The following ZZZ3 variants were observed in gnomAD, a reference collection of about 807,000 sequenced individuals.
The protein encoded by ZZZ3 is ZZ-type zinc finger-containing protein 3.
ZZZ3 carries 22 observed loss-of-function variants against 95.2 expected under a neutral mutation model. That is an observed-to-expected ratio of 0.23 (90% CI 0.17 to 0.33). The LOEUF is 0.33. Among genes scored for constraint, ZZZ3 ranks in the 10% least tolerant of loss-of-function variants. ZZZ3 has a pLI of 1.00. For missense variants in ZZZ3, 885 were observed against 1,066.5 expected (o/e 0.83, Z 2.37); for synonymous variants, 335 against 358.9 (o/e 0.93, Z 0.75).
chr1:77,616,125 G>A (rs1666289443), intron 5 of ZZZ3, among the ~76,000 whole-genome samples: 1 of 152,020 alleles, frequency 6.6e-6, no homozygotes, highest in Non-Finnish European at 1.5e-5. Flanking sequence ...TGCTCTTGAG[G>A]AAATCATGAC....
At chr1:77,623,455 C>T (rs1667065140) in intron 5 of ZZZ3, among the ~76,000 whole-genome samples, 2 of 152,116 alleles carry the variant, frequency 1.3e-5, no homozygotes, top group Non-Finnish European at 2.9e-5. Context: ...CCTCATAAGG[C>T]TAGAAACATT....
At chr1:77,575,799 G>A (rs867034456) in intron 12 of ZZZ3, among the ~76,000 whole-genome samples, 14 of 152,100 alleles carry the variant, frequency 9.2e-5, no homozygotes, top group Non-Finnish European at 1.3e-4. Context: ...TCTGGGACTT[G>A]CTCCAAAATA....
intron 5 of ZZZ3, among the ~76,000 whole-genome samples, chr1:77,597,419 G>A (rs1570461948): frequency 6.6e-6 from 1 of 152,120 alleles, no homozygotes; most frequent in East Asian, 1.9e-4. Flanking sequence ...CATTCCTTCA[G>A]TGTGGCCTGT....
chr1:77,660,844 T>A (rs747489120), intron 1 of ZZZ3, among the ~76,000 whole-genome samples: 1 of 152,190 alleles, frequency 6.6e-6, no homozygotes, highest in Non-Finnish European at 1.5e-5. Flanking sequence ...CTTTCTACCA[T>A]TCTGGACTAA....
At chr1:77,597,015 C>T (rs957075362) in intron 5 of ZZZ3, among the ~76,000 whole-genome samples, 7 of 152,066 alleles carry the variant, frequency 4.6e-5, no homozygotes, top group African/African-American at 1.7e-4. Flanking sequence ...ATTTTGGTTT[C>T]TAATACCATT....
intron 1 of ZZZ3, among the ~76,000 whole-genome samples, chr1:77,655,538 G>A (rs920892161): frequency 2.0e-5 from 3 of 152,162 alleles, no homozygotes; most frequent in African/African-American, 2.4e-5. Context: ...TCAGAACCAT[G>A]AGAAATAAAT....
At position 77,662,587 on chromosome 1, in the gene ZZZ3, G is replaced by C. The variant is rs545093424; in HGVS notation, c.-403+19998C>G. Among the ~76,000 whole-genome samples, 5 of 152,288 alleles carry C rather than the reference G, an allele frequency of 3.3e-5. No homozygotes were observed. The South Asian group carries it at 1.0e-3, about 32-fold the overall frequency. On this transcript the variant is annotated intron_variant, in intron 1 of 14. Coordinates refer to ENST00000370801, the MANE Select transcript of ZZZ3 (RefSeq NM_015534.6). The stretch of plus-strand genomic sequence containing the variant: ...AATCTAACCACAAGAAATTCAAACT[G>C]AGGGACACTAAATACCTGGCCTAAT...
Position 77,632,767 on chromosome 1 carries a change from G to A in ZZZ3, c.588C>T (p.Ile196=), listed in dbSNP as rs770443110. The A allele has an allele frequency of 6.2e-7, 1 of 1,614,146 alleles. No individual in the cohort carries two copies. The highest frequency in any genetic ancestry group is 8.5e-7 in the Non-Finnish European group (1 of 1,180,026). Reference sequence around the variant, plus strand: ...CACCATTGACAGCCAAATAGCCTGTGATTTCTTCAACTACTGCAGAATTAA... The same window carrying A: ...CACCATTGACAGCCAAATAGCCTGTAATTTCTTCAACTACTGCAGAATTAA... ...GPLNSAVVEE[I]TGYLAVNGVD... is the part of the protein sequence containing the mutation. Residue 196 remains isoleucine, a synonymous_variant, in exon 5 of 15, where the codon ATC becomes ATT. Transcript: ENST00000370801.
Position 77,632,138 on chromosome 1 carries a change from T to C in ZZZ3, c.1217A>G (p.Glu406Gly), listed in dbSNP as rs150349647. The C allele has an allele frequency of 4.8e-4, 779 of 1,614,172 alleles. 8 individuals are homozygous for C. The South Asian group carries it at 6.9e-3, about 14-fold the overall frequency. Reference protein sequence around the residue: ...SSPYRENGQFEENNLSPNETN... With the variant: ...SSPYRENGQFGENNLSPNETN... ...TTCATTAGGACTAAGATTATTCTCC[T>C]CAAATTGTCCATTTTCTCTGTAAGG... The change falls in exon 5 of 15, where the codon GAG becomes GGG. Residue 406 changes from glutamate to glycine, a missense_variant. Physicochemically the swap from Glu to Gly is moderately conservative, Grantham distance 98 (BLOSUM62 -2). Coordinates refer to ENST00000370801, the MANE Select transcript of ZZZ3 (RefSeq NM_015534.6).
chr1:77,642,501 T>C (rs1014896872), intron 1 of ZZZ3, among the ~76,000 whole-genome samples: 1 of 151,592 alleles, frequency 6.6e-6, no homozygotes, highest in Non-Finnish European at 1.5e-5. Context: ...CTCAGCACTT[T>C]GGGAGGCCAA....
At chr1:77,617,106 C>T (rs1219947692) in intron 5 of ZZZ3, among the ~76,000 whole-genome samples, 1 of 152,090 alleles carries the variant, frequency 6.6e-6, no homozygotes, top group Admixed American at 6.6e-5. Context: ...ACTAATCCCC[C>T]CACGCTTTAG....
At chr1:77,637,298 T>C (rs561416473) in intron 4 of ZZZ3, among the ~76,000 whole-genome samples, 35 of 152,294 alleles carry the variant, frequency 2.3e-4, no homozygotes, top group African/African-American at 8.4e-4. Context: ...ATAAAAAATC[T>C]TACCTGAAAT....
chr1:77,622,052 T>G (rs1451346068), intron 5 of ZZZ3, among the ~76,000 whole-genome samples: 1 of 150,742 alleles, frequency 6.6e-6, no homozygotes, highest in East Asian at 2.0e-4. Context: ...GGCTTATGCC[T>G]GTAATCCCAA....
chr1:77,633,443 T>C (rs928662492), intron 4 of ZZZ3, 38 bp from the exon 5 acceptor site: 29 of 1,376,640 alleles, frequency 2.1e-5, no homozygotes, highest in East Asian at 2.3e-5. Flanking sequence ...AAAAAGGTAA[T>C]AGTTAATATA....
intron 12 of ZZZ3, among the ~76,000 whole-genome samples, chr1:77,574,141 T>C (rs1422452766): frequency 6.8e-6 from 1 of 148,036 alleles, no homozygotes; most frequent in Non-Finnish European, 1.5e-5. Context: ...GATTTACATA[T>C]AGATATATAT....
At chr1:77,676,111 A>C (rs952889364) in intron 1 of ZZZ3, among the ~76,000 whole-genome samples, 2 of 152,142 alleles carry the variant, frequency 1.3e-5, no homozygotes, top group Non-Finnish European at 2.9e-5. Context: ...TAATTTCTCT[A>C]ATTCCCCAAA....
intron 4 of ZZZ3, among the ~76,000 whole-genome samples, chr1:77,636,971 A>T (rs1025056789): frequency 6.6e-6 from 1 of 152,184 alleles, no homozygotes; most frequent in African/African-American, 2.4e-5. Context: ...AACTTGTTTT[A>T]TAACAAGGAT....
chr1:77,671,802 T>A (rs184938018), intron 1 of ZZZ3, among the ~76,000 whole-genome samples: 1 of 152,288 alleles, frequency 6.6e-6, no homozygotes, highest in East Asian at 1.9e-4. Flanking sequence ...AAACCACCTA[T>A]GAATCTAGTT....
intron 1 of ZZZ3, among the ~76,000 whole-genome samples, chr1:77,674,934 AG>A (rs1672119492): frequency 6.6e-6 from 1 of 150,880 alleles, no homozygotes; most frequent in South Asian, 2.1e-4. Context: ...CCTGGGCAAC[AG>A]AGTAAGACTC....
Sources: allele counts gnomAD v4.1 joint callset (sites outside exome capture counted in the v4.1 genomes callset), GRCh38; gene constraint gnomAD v4.1.1; transcripts MANE v1.5; gene names NCBI Gene and HGNC (gene_info 2026-07-23, HGNC 2026-07-21).